DCAF17: variants seen among roughly 807,000 people sequenced by gnomAD.
The protein encoded by DCAF17 is DDB1- and CUL4-associated factor 17.
In DCAF17, 48 loss-of-function variants were observed where a neutral mutation model predicts 66.0. That is an observed-to-expected ratio of 0.73 (90% CI 0.58 to 0.92). The LOEUF (loss-of-function observed/expected upper bound fraction) is 0.92. DCAF17 is among the 40% of genes least tolerant of loss of function. The pLI is 0.00. For synonymous variants in DCAF17, 206 were observed against 214.6 expected (o/e 0.96, Z 0.35); for missense variants, 562 against 622.8 (o/e 0.90, Z 1.04).
chr2:171,453,558 A>G (rs1389348148), intron 6 of DCAF17, among the ~76,000 whole-genome samples: 1 of 152,128 alleles, frequency 6.6e-6, no homozygotes, highest in Non-Finnish European at 1.5e-5. Context: ...TTGCAACAAA[A>G]TATTTCATTT....
chr2:171,469,497 T>C (rs920348180), intron 9 of DCAF17, among the ~76,000 whole-genome samples: 3 of 152,204 alleles, frequency 2.0e-5, no homozygotes, highest in Admixed American at 6.5e-5. Context: ...TATTCTTAAG[T>C]TATTTATGGC....
intron 3 of DCAF17, among the ~76,000 whole-genome samples, chr2:171,446,741 A>G (rs1053855499): frequency 1.3e-5 from 2 of 152,220 alleles, no homozygotes; most frequent in Non-Finnish European, 2.9e-5. Flanking sequence ...AAATGAGAAC[A>G]TAAGATTTTT....
At chr2:171,477,940 C>A in intron 11 of DCAF17, 47 bp from the exon 12 acceptor site, 1 of 1,500,672 alleles carries the variant, frequency 6.7e-7, no homozygotes, top group Non-Finnish European at 9.3e-7. Flanking sequence ...CCTTTGACTG[C>A]ATGTAATAGA....
chr2:171,434,831 A>G (rs942465178), intron 1 of DCAF17, 128 bp downstream of exon 1: 11 of 1,370,146 alleles, frequency 8.0e-6, no homozygotes, highest in Non-Finnish European at 1.1e-5. Context: ...GGAGGAGGAT[A>G]CAAGCCCGGA....
intron 2 of DCAF17, among the ~76,000 whole-genome samples, chr2:171,440,622 G>A (rs1694253870): frequency 6.6e-6 from 1 of 152,150 alleles, no homozygotes; most frequent in Non-Finnish European, 1.5e-5. Context: ...GAATTAAATA[G>A]GCCTTTAGAG....
chr2:171,472,250 G>T (rs1696285262), intron 9 of DCAF17, among the ~76,000 whole-genome samples: 1 of 152,024 alleles, frequency 6.6e-6, no homozygotes, highest in Non-Finnish European at 1.5e-5. Context: ...CACGATCTCG[G>T]CTTACTGCAA....
intron 3 of DCAF17, among the ~76,000 whole-genome samples, 183 bp from the exon 4 acceptor site, chr2:171,448,498 G>T (rs865986743): frequency 1.1e-4 from 17 of 152,290 alleles, no homozygotes; most frequent in Middle Eastern, 6.8e-3. Flanking sequence ...AATAAGTGAT[G>T]ATGAAATAAT....
chr2:171,471,949 AG>A (rs1004167391), intron 9 of DCAF17, among the ~76,000 whole-genome samples: 4 of 151,762 alleles, frequency 2.6e-5, no homozygotes, highest in Non-Finnish European at 5.9e-5. Flanking sequence ...CAAGAGGTCA[AG>A]GCTCCAGTGA....
chr2:171,482,238 G>A lies in DCAF17; in HGVS notation c.*1124G>A, dbSNP rs779974974. The A allele has an allele frequency of 6.8e-5, 31 of 453,802 alleles. No individual in the cohort carries two copies. Among genetic ancestry groups the A allele is most frequent in the African/African-American group, 4.8e-4 (24 of 49,992 alleles). 28.1% of individuals were successfully genotyped at this position (453,802 alleles called of 1,614,324 possible). ...TTTCGCATGTTCTGCACATTTATCCGATGTAACCTCAAAAGAATAACTGGT... is the reference window on the plus strand; with the variant it reads ...TTTCGCATGTTCTGCACATTTATCCAATGTAACCTCAAAAGAATAACTGGT... On this transcript the variant is annotated 3_prime_UTR_variant, in exon 14 of 14. Coordinates refer to ENST00000375255, the MANE Select transcript of DCAF17 (RefSeq NM_025000.4).
At position 171,480,116 on chromosome 2, in the gene DCAF17, A is replaced by G. The variant is rs1452820331; in HGVS notation, c.1345A>G (p.Lys449Glu). The G allele has an allele frequency of 1.2e-6, 2 of 1,613,850 alleles. No homozygotes were observed. The highest frequency in any genetic ancestry group is 4.5e-5 in the East Asian group (2 of 44,864). ...TGTTACTCAAATAGATGCTGAAGGA[A>G]AAGCTCACCTGGATTTCCACTGTAA... The part of the protein sequence containing the change: ...VAVTQIDAEG[K>E]AHLDFHCNEY... Residue 449 changes from lysine to glutamate, a missense_variant, in exon 13 of 14, where the codon AAA (lysine) becomes GAA (glutamate). Physicochemically the swap from Lys to Glu is moderately conservative, Grantham distance 56. Coordinates refer to ENST00000375255, the MANE Select transcript of DCAF17 (RefSeq NM_025000.4).
chr2:171,443,886 G>A (rs1307413415), intron 3 of DCAF17, among the ~76,000 whole-genome samples: 1 of 152,008 alleles, frequency 6.6e-6, no homozygotes, highest in East Asian at 1.9e-4. Flanking sequence ...AGTTATATAA[G>A]CAGCATAAGC....
intron 8 of DCAF17, among the ~76,000 whole-genome samples, chr2:171,464,143 C>G (rs986582755): frequency 2.0e-5 from 3 of 152,164 alleles, no homozygotes; most frequent in Non-Finnish European, 4.4e-5. Flanking sequence ...TAATGTGTCC[C>G]AGGCTTACCT....
Position 171,482,499 on chromosome 2 carries a change from A to G in DCAF17, c.*1385A>G, listed in dbSNP as rs1213376510. The stretch of plus-strand genomic sequence containing the variant: ...CTAAATAGTCCCACTCAGTAAACTT[A>G]CATCTTGAAAAACAAGACCAGTAAG... On this transcript the variant is annotated 3_prime_UTR_variant, in exon 14 of 14. Coordinates refer to ENST00000375255, the MANE Select transcript of DCAF17 (RefSeq NM_025000.4). 1 of 454,114 alleles carries G rather than the reference A, an allele frequency of 2.2e-6. No individual in the cohort carries two copies. Among genetic ancestry groups the G allele is most frequent in the Non-Finnish European group, 4.4e-6 (1 of 226,782 alleles). The allele number at this position is 454,114 out of a possible 1,614,324, so 28.1% of individuals were successfully genotyped here. A position where few individuals can be genotyped will look rare whatever the true frequency, so the allele number is the denominator to read the frequency against.
chr2:171,469,890 C>T (rs1009551884), intron 9 of DCAF17, among the ~76,000 whole-genome samples: 12 of 152,320 alleles, frequency 7.9e-5, no homozygotes, highest in African/African-American at 2.9e-4. Flanking sequence ...ACTGTAGCCT[C>T]AACCTCCTGG....
chr2:171,480,222 G>A (rs762066440), intron 13 of DCAF17, 29 bp downstream of exon 13: 8 of 1,610,530 alleles, frequency 5.0e-6, no homozygotes, highest in Non-Finnish European at 6.8e-6. Flanking sequence ...ATACAAAGTT[G>A]TAAACCTTTC....
At chr2:171,438,530 T>C (rs1694099118) in intron 2 of DCAF17, among the ~76,000 whole-genome samples, 1 of 152,240 alleles carries the variant, frequency 6.6e-6, no homozygotes. Context: ...TTTGATACTC[T>C]GTTGTTAGAT....
At chr2:171,457,250 T>G (rs190274353) in intron 6 of DCAF17, among the ~76,000 whole-genome samples, 1 of 152,340 alleles carries the variant, frequency 6.6e-6, no homozygotes, top group African/African-American at 2.4e-5. Context: ...CTTATTACAG[T>G]CTACAACAGA....
chr2:171,474,720 T>C (rs756134446), intron 10 of DCAF17, among the ~76,000 whole-genome samples: 1 of 152,250 alleles, frequency 6.6e-6, no homozygotes, highest in Non-Finnish European at 1.5e-5. Context: ...CTTTCATCAA[T>C]GTACATACAT....
chr2:171,483,075 A>G lies in DCAF17; in HGVS notation c.*1961A>G, dbSNP rs115869663. 1.4e-4 allele frequency: 64 copies of G among 454,106 alleles called. No homozygotes were observed. Among genetic ancestry groups the G allele is most frequent in the African/African-American group, 1.2e-3 (61 of 50,126 alleles). 28.1% of individuals were successfully genotyped at this position (454,106 alleles called of 1,614,324 possible). ...TGTAGGCTGCATGGTTGTTAACAAG[A>G]TAGATGGTAAAAAGATGCCAGAAGA... On this transcript the variant is annotated 3_prime_UTR_variant, in exon 14 of 14. Transcript: ENST00000375255.
Sources: gnomAD v4.1 joint callset for allele counts (sites outside exome capture counted in the v4.1 genomes callset) on GRCh38, gnomAD v4.1.1 for gene constraint, MANE v1.5 for transcripts, NCBI Gene and HGNC (gene_info 2026-07-23, HGNC 2026-07-21) for gene names.